Variants in METTL15 observed in about 807,000 individuals in gnomAD.
The protein encoded by METTL15 is methyltransferase 15, mitochondrial 12S rRNA N4-cytidine.
Under a neutral mutation model 38.3 loss-of-function variants are expected in METTL15, and 34 were observed. That is an observed-to-expected ratio of 0.89 (90% CI 0.68 to 1.18). METTL15 has a LOEUF of 1.18. Among genes scored for constraint, METTL15 ranks in the 50% most tolerant of loss-of-function variants. METTL15 has a pLI of 0.00. For synonymous variants in METTL15, 162 were observed against 170.9 expected, an observed-to-expected ratio of 0.95 and a Z score of 0.41; for missense variants, 438 against 498.4, an observed-to-expected ratio of 0.88 and a Z score of 1.15.
In METTL15 at chr11:28,444,233, G is replaced by A. The variant is rs77616643; in HGVS notation, c.*424+19869G>A. Among the ~76,000 whole-genome samples the A allele has an allele frequency of 3.8e-3, 584 of 152,268 alleles. 7 individuals carry two copies. The highest frequency in any genetic ancestry group is 0.013 in the African/African-American group (544 of 41,540). ...CATAGCCAGGAATTGCTTGGTTAAA[G>A]GGTATAGACATTTGGAGGCTGTATA... On this transcript the variant is annotated intron_variant and NMD_transcript_variant, in intron 6 of 7. Coordinates refer to the METTL15 transcript ENST00000532947.
chr11:28,372,496 G>T (rs1490304146), intron 5 of METTL15, among the ~76,000 whole-genome samples: 1 of 133,168 alleles, frequency 7.5e-6, no homozygotes, highest in African/African-American at 2.8e-5. Flanking sequence ...TTAAACCAGT[G>T]AGTTGCACAT....
At chr11:28,125,450 G>C (rs2133616942) in intron 3 of METTL15, 1 of 152,112 alleles carries the variant, frequency 6.6e-6, no homozygotes, top group East Asian at 1.9e-4. Flanking sequence ...GTTCTATGCA[G>C]TTGGATAAAC....
At chr11:28,525,488 C>T (rs554369645) in intron 6 of METTL15, among the ~76,000 whole-genome samples, 41 of 151,840 alleles carry the variant, frequency 2.7e-4, no homozygotes, top group East Asian at 7.8e-4. Context: ...AACAGAGTGC[C>T]GATTGGTGAA....
chr11:28,467,979 C>G (rs575924114), intron 6 of METTL15, among the ~76,000 whole-genome samples: 2 of 152,262 alleles, frequency 1.3e-5, no homozygotes, highest in African/African-American at 4.8e-5. Context: ...TATTTTGCTA[C>G]TGGACTGTCT....
chr11:28,249,181 AT>A (rs1174669688), intron 4 of METTL15, among the ~76,000 whole-genome samples: 1 of 151,812 alleles, frequency 6.6e-6, no homozygotes, highest in South Asian at 2.1e-4. Context: ...ACCTTAGGTA[AT>A]TTTTTTTAAT....
intron 6 of METTL15, among the ~76,000 whole-genome samples, chr11:28,491,655 C>T (rs1851495942): frequency 6.6e-6 from 1 of 152,080 alleles, no homozygotes; most frequent in East Asian, 1.9e-4. Context: ...ATGGGTAAAA[C>T]ATCTCCAACC....
At chr11:28,306,127 T>C (rs903490196) in intron 6 of METTL15, among the ~76,000 whole-genome samples, 2 of 152,090 alleles carry the variant, frequency 1.3e-5, no homozygotes, top group African/African-American at 2.4e-5. Flanking sequence ...CCACGTACTC[T>C]AGATCTTCCT....
At chr11:28,389,552 G>A (rs1220704696) in intron 5 of METTL15, among the ~76,000 whole-genome samples, 1 of 151,848 alleles carries the variant, frequency 6.6e-6, no homozygotes, top group African/African-American at 2.4e-5. Context: ...CCCTACAAAG[G>A]ACATGAACTC....
chr11:28,310,961 G>A (rs1228149411), intron 6 of METTL15, among the ~76,000 whole-genome samples: 1 of 99,392 alleles, frequency 1.0e-5, no homozygotes, highest in African/African-American at 4.5e-5. Flanking sequence ...TGGTGGTGGT[G>A]GTGGGTGTGT....
At position 28,401,453 on chromosome 11, in the gene METTL15, T is replaced by C. The variant is rs774436354; in HGVS notation, c.*359-22846T>C. On this transcript the variant is annotated intron_variant and NMD_transcript_variant, in intron 5 of 7. Coordinates refer to the METTL15 transcript ENST00000532947. ...TTCTCTCATATGTGTGTGATTTATG[T>C]TTTTCTCCTTTTATTGACCATACTC... 4.6e-5 allele frequency among the ~76,000 whole-genome samples: 7 copies of C among 152,150 alleles called. No homozygotes were observed. In the South Asian group the frequency reaches 1.2e-3, roughly 27 times the overall value.
intron 6 of METTL15, among the ~76,000 whole-genome samples, chr11:28,482,277 G>A (rs548415882): frequency 8.9e-4 from 136 of 152,240 alleles, no homozygotes; most frequent in African/African-American, 3.1e-3. Context: ...AACTCATTAT[G>A]CCTATTTGGA....
chr11:28,447,796 G>T (rs551636074), intron 6 of METTL15, among the ~76,000 whole-genome samples: 1 of 152,180 alleles, frequency 6.6e-6, no homozygotes, highest in East Asian at 1.9e-4. Context: ...TAAATGCCTT[G>T]CTTTAGGGGT....
At chr11:28,223,673 C>G (rs1421559073) in intron 4 of METTL15, among the ~76,000 whole-genome samples, 1 of 152,108 alleles carries the variant, frequency 6.6e-6, no homozygotes, top group African/African-American at 2.4e-5. Context: ...GAAATAGAAA[C>G]TAACATTTTT....
chr11:28,279,824 G>A (rs1286787697), intron 4 of METTL15, among the ~76,000 whole-genome samples: 5 of 151,710 alleles, frequency 3.3e-5, no homozygotes, highest in African/African-American at 7.3e-5. Flanking sequence ...GCTTGAACCC[G>A]GGAGGCGGAG....
chr11:28,207,503 G>C (rs2133831900), intron 3 of METTL15, among the ~76,000 whole-genome samples: 2 of 152,082 alleles, frequency 1.3e-5, no homozygotes, highest in Middle Eastern at 3.4e-3. Context: ...CTGCTGGATT[G>C]GGCTTGCCAG....
At chr11:28,317,043 C>A (rs1565249753) in intron 6 of METTL15, among the ~76,000 whole-genome samples, 1 of 152,124 alleles carries the variant, frequency 6.6e-6, no homozygotes, top group Admixed American at 6.6e-5. Context: ...TCAGTTCTTT[C>A]CTTTAATTCT....
intron 3 of METTL15, among the ~76,000 whole-genome samples, chr11:28,142,370 G>A (rs112433659): frequency 2.6e-5 from 4 of 152,242 alleles, no homozygotes; most frequent in African/African-American, 9.6e-5. Flanking sequence ...TTAATATCAG[G>A]TTACTTAAGT....
At chr11:28,368,152 C>CAAAAAAAACA (rs1850206455) in intron 5 of METTL15, among the ~76,000 whole-genome samples, 5 of 108,704 alleles carry the variant, frequency 4.6e-5, no homozygotes, top group African/African-American at 1.0e-4. Context: ...ACAAAAAAAA[C>CAAAAAAAACA]AAAAAAAAAA....
At chr11:28,247,140 T>C (rs1854546024) in intron 4 of METTL15, among the ~76,000 whole-genome samples, 2 of 152,144 alleles carry the variant, frequency 1.3e-5, no homozygotes, top group Admixed American at 1.3e-4. Context: ...TGATGAAATG[T>C]TGGTGTTTGA....
Sources: allele counts gnomAD v4.1 joint callset (sites outside exome capture counted in the v4.1 genomes callset), GRCh38; gene constraint gnomAD v4.1.1; transcripts MANE v1.5; gene names NCBI Gene and HGNC (gene_info 2026-07-23, HGNC 2026-07-21).